Variants in NFKBIL1 observed in about 807,000 individuals in gnomAD.
The protein encoded by NFKBIL1 is NF-kappa-B inhibitor-like protein 1.
In NFKBIL1, 30 loss-of-function variants were observed where a neutral mutation model predicts 45.4. That is an observed-to-expected ratio of 0.66 (90% CI 0.49 to 0.90). The LOEUF is 0.90. Ranked by LOEUF, NFKBIL1 falls within the 40% of genes least tolerant of loss-of-function variation. NFKBIL1 has a pLI of 0.00. For missense variants in NFKBIL1, 434 were observed against 513.4 expected (o/e 0.85, Z 1.49); for synonymous variants, 179 against 197.3 (o/e 0.91, Z 0.78).
rs1267473760 is a variant in NFKBIL1 at position 31,557,159 on chromosome 6, G to A, written c.335-469G>A. Among the ~76,000 whole-genome samples, 1 of 149,468 alleles carries A rather than the reference G, an allele frequency of 6.7e-6. No homozygotes were observed. The highest frequency in any genetic ancestry group is 1.5e-5 in the Non-Finnish European group (1 of 67,742). On this transcript the variant is annotated intron_variant, in intron 2 of 3. Transcript: ENST00000376148. The surrounding 1 kb of genome is among the most constrained non-coding windows in gnomAD (Gnocchi z 5.4). ...GTCTTGCTCTGTCACCTAGGCTGGA[G>A]TGCAGTGGCACGATCTCGGCTTACT... is the stretch of plus-strand genomic sequence containing the variant.
chr6:31,557,996 T>C lies in NFKBIL1; in HGVS notation c.557-26T>C, dbSNP rs1769849863. 1 of 1,519,550 alleles carries C rather than the reference T, an allele frequency of 6.6e-7. No individual in the cohort carries two copies. Among genetic ancestry groups the C allele is most frequent in the African/African-American group, 1.4e-5 (1 of 73,408 alleles). The allele number at this position is 1,519,550 out of a possible 1,614,324, so 94.1% of individuals were successfully genotyped here. A position where few individuals can be genotyped will look rare whatever the true frequency, so the allele number is the denominator to read the frequency against. On this transcript the variant is annotated intron_variant, in intron 3 of 3. Coordinates refer to ENST00000376148, the MANE Select transcript of NFKBIL1 (RefSeq NM_005007.4). The surrounding 1 kb of genome is among the most constrained non-coding windows in gnomAD (Gnocchi z 5.4). ...CACCTTCTCACAGCCTCTCTCCAAC[T>C]ACCCCCATCCCACCCTCCCAAACAG...
intron 2 of NFKBIL1, among the ~76,000 whole-genome samples, chr6:31,553,355 A>G (rs911830916): frequency 2.0e-5 from 3 of 151,994 alleles, no homozygotes; most frequent in African/African-American, 7.3e-5. Flanking sequence ...ACTATTTTAT[A>G]AATAATATTG....
intron 1 of NFKBIL1, 90 bp downstream of exon 1, chr6:31,547,841 C>T (rs923961036): frequency 6.8e-6 from 8 of 1,177,304 alleles, no homozygotes; most frequent in South Asian, 1.4e-5. Flanking sequence ...TTTCCCCATC[C>T]GGCCCTGTTG....
In NFKBIL1 at chr6:31,555,235, C is replaced by CTT. The variant is rs9279346; in HGVS notation, c.335-2375_335-2374dup. Among the ~76,000 whole-genome samples the CTT allele has an allele frequency of 1.6e-3, 199 of 125,184 alleles. 1 individual carries two copies. Among genetic ancestry groups the CTT allele is most frequent in the East Asian group, 2.0e-3 (9 of 4,596 alleles). 82.1% of individuals were successfully genotyped at this position (125,184 alleles called of 152,430 possible). A position where few individuals can be genotyped will look rare whatever the true frequency, so the allele number is the denominator to read the frequency against. On this transcript the variant is annotated intron_variant, in intron 2 of 3. Transcript: ENST00000376148. ...TATTTTTTGCCAGTCTATTTTTTTTCTTTTTTTTTTTTTTTTTTTGAGATG... is the reference window on the plus strand; with the variant it reads ...TATTTTTTGCCAGTCTATTTTTTTTCTTTTTTTTTTTTTTTTTTTTTGAGATG...
rs1192393645 is a variant in NFKBIL1, at chr6:31,558,000, C to A, written c.557-22C>A. 8 of 1,483,514 alleles carry A rather than the reference C, an allele frequency of 5.4e-6. No homozygotes were observed. The highest frequency in any genetic ancestry group is 7.4e-6 in the Non-Finnish European group (8 of 1,082,152). 91.9% of individuals were successfully genotyped at this position (1,483,514 alleles called of 1,614,324 possible). On this transcript the variant is annotated intron_variant, in intron 3 of 3. Coordinates refer to ENST00000376148, the MANE Select transcript of NFKBIL1 (RefSeq NM_005007.4). This position sits in a 1 kb window ranked among gnomAD's most constrained non-coding sequence, Gnocchi z 5.4. ...TTCTCACAGCCTCTCTCCAACTACC[C>A]CCATCCCACCCTCCCAAACAGGTGA...
Position 31,548,279 on chromosome 6 carries a change from C to T in NFKBIL1, c.174C>T (p.Gly58=), listed in dbSNP as rs774413670. The T allele has an allele frequency of 6.2e-7, 1 of 1,612,348 alleles. No individual in the cohort carries two copies. The highest frequency in any genetic ancestry group is 2.2e-5 in the East Asian group (1 of 44,892). Residue 58 remains glycine (G), a synonymous_variant, in exon 2 of 4, where the codon GGC becomes GGT. Transcript: ENST00000376148. ...AGGCCCTCCTCCAGCGACACCCAGG[C>T]CTCGATGTAGATGCTGGGCAGCCCC... The part of the protein sequence containing the change: ...RAQALLQRHP[G]LDVDAGQPPP...
At chr6:31,549,095 A>G (rs1769286270) in intron 2 of NFKBIL1, among the ~76,000 whole-genome samples, 1 of 152,210 alleles carries the variant, frequency 6.6e-6, no homozygotes. Context: ...GTTATACATT[A>G]TAGCATTGTA....
intron 2 of NFKBIL1, chr6:31,556,891 C>G (rs1769770964): frequency 5.3e-6 from 2 of 378,712 alleles, no homozygotes; most frequent in Non-Finnish European, 1.1e-5. Flanking sequence ...ATTAATGGCC[C>G]AGAGTAGAGC....
chr6:31,556,466 T>G (rs899317963), intron 2 of NFKBIL1, among the ~76,000 whole-genome samples: 2 of 152,200 alleles, frequency 1.3e-5, no homozygotes, highest in Non-Finnish European at 2.9e-5. Context: ...CCTCCCCTTC[T>G]TCTATCCCCC....
chr6:31,548,860 T>C (rs1425716394), intron 2 of NFKBIL1, among the ~76,000 whole-genome samples: 1 of 152,222 alleles, frequency 6.6e-6, no homozygotes, highest in African/African-American at 2.4e-5. Context: ...ATTAAAATAA[T>C]AACAACCTTT....
chr6:31,552,685 CTTTTTTTTTTTTTTT>C (rs9279343), intron 2 of NFKBIL1, among the ~76,000 whole-genome samples: 1 of 55,558 alleles, frequency 1.8e-5, no homozygotes, highest in Admixed American at 2.6e-4. Flanking sequence ...GGCGGCATTT[CTTTTTTTTTTTTTTT>C]TTTTTTTTTT....
chr6:31,554,619 AATCT>A (rs1365439124), intron 2 of NFKBIL1, among the ~76,000 whole-genome samples: 3 of 152,246 alleles, frequency 2.0e-5, no homozygotes, highest in Admixed American at 2.0e-4. Flanking sequence ...ATAATTTTTT[AATCT>A]ATCCAACTGG....
intron 2 of NFKBIL1, 143 bp downstream of exon 2, chr6:31,548,582 T>C (rs1404709563): frequency 1.3e-5 from 12 of 899,230 alleles, no homozygotes; most frequent in South Asian, 1.2e-4. Context: ...TGGCTGTCAT[T>C]TGTCCCTTTA....
In NFKBIL1 at chr6:31,557,668, C is replaced by T. The variant is rs1583011830; in HGVS notation, c.375C>T (p.Pro125=). Residue 125 remains proline, a synonymous_variant, in exon 3 of 4, where the codon CCC becomes CCT. Transcript: ENST00000376148. This position sits in a 1 kb window ranked among gnomAD's most constrained non-coding sequence, Gnocchi z 5.4. ...DFFLPLLSRC[P]SAMGIKNKDG... ...TCCTCCCGCTGCTAAGCCGCTGTCC[C>T]TCCGCCATGGGAATAAAGAATAAGG... 1.3e-6 allele frequency: 2 copies of T among 1,576,812 alleles called. No individual in the cohort carries two copies. Among genetic ancestry groups the T allele is most frequent in the Non-Finnish European group, 1.7e-6 (2 of 1,156,086 alleles).
At chr6:31,547,898 C>T (rs1027212469) in intron 1 of NFKBIL1, 147 bp downstream of exon 1, 2 of 778,434 alleles carry the variant, frequency 2.6e-6, no homozygotes. Flanking sequence ...TACCTGGGCT[C>T]CTGAGCCTTA....
chr6:31,546,867 T>C (rs201755510), upstream of NFKBIL1: 95 of 414,886 alleles, frequency 2.3e-4, no homozygotes, highest in African/African-American at 1.7e-3. The surrounding 1 kb of genome is among the most constrained non-coding windows in gnomAD (Gnocchi z 4.1). Context: ...GTCGGAAAGG[T>C]CTAGGGATGA....
chr6:31,548,076 G>A (rs2150359212), intron 1 of NFKBIL1, 87 bp from the exon 2 acceptor site: 1 of 1,552,384 alleles, frequency 6.4e-7, no homozygotes, highest in Non-Finnish European at 8.8e-7. Flanking sequence ...CGGAACCAAA[G>A]GGAGAAACAA....
chr6:31,557,505 T>C lies in NFKBIL1; in HGVS notation c.335-123T>C. On this transcript the variant is annotated intron_variant, in intron 2 of 3. Coordinates refer to ENST00000376148, the MANE Select transcript of NFKBIL1 (RefSeq NM_005007.4). The surrounding 1 kb of genome is among the most constrained non-coding windows in gnomAD (Gnocchi z 5.4). Reference sequence around the variant, plus strand: ...TTTCCTAATACCCAGGAGGCATCCATGTGAGCCACCCTTCCATTGCTTTAA... The same window carrying C: ...TTTCCTAATACCCAGGAGGCATCCACGTGAGCCACCCTTCCATTGCTTTAA... 1 of 648,748 alleles carries C rather than the reference T, an allele frequency of 1.5e-6. No homozygotes were observed. The highest frequency in any genetic ancestry group is 2.5e-6 in the Non-Finnish European group (1 of 405,074). The allele number at this position is 648,748 out of a possible 1,614,324, so 40.2% of individuals were successfully genotyped here.
chr6:31,550,460 G>A (rs1232856621), intron 2 of NFKBIL1, among the ~76,000 whole-genome samples: 3 of 145,724 alleles, frequency 2.1e-5, no homozygotes, highest in Non-Finnish European at 4.4e-5. Context: ...AGATAGGCTA[G>A]CATATTCAGA....
Sources: allele counts gnomAD v4.1 joint callset (sites outside exome capture counted in the v4.1 genomes callset), GRCh38; gene constraint gnomAD v4.1.1; non-coding constraint Gnocchi (gnomAD v3.1); transcripts MANE v1.5; gene names NCBI Gene and HGNC (gene_info 2026-07-23, HGNC 2026-07-21).